Variants in GOLM2 observed in about 807,000 individuals in gnomAD.
The protein encoded by GOLM2 is golgi membrane protein 2.
GOLM2 carries 26 observed loss-of-function variants against 55.9 expected under a neutral mutation model. That is an observed-to-expected ratio of 0.47 (90% confidence interval 0.34 to 0.65). GOLM2 has a LOEUF of 0.65. Among genes scored for constraint, GOLM2 ranks in the 30% least tolerant of loss-of-function variants. The probability of loss-of-function intolerance (pLI) is 0.01; values close to 1 mark genes in which losing one functional copy is unlikely to be tolerated. For synonymous variants in GOLM2, 165 were observed against 194.6 expected, an observed-to-expected ratio of 0.85 and a Z score of 1.27; for missense variants, 486 against 531.8, an observed-to-expected ratio of 0.91 and a Z score of 0.85.
intron 1 of GOLM2, among the ~76,000 whole-genome samples, chr15:44,294,812 T>A (rs1000435788): frequency 6.6e-6 from 1 of 151,530 alleles, no homozygotes. Flanking sequence ...GGAGTATCGT[T>A]TGAACTGGGA....
At chr15:44,328,091 C>T (rs2078996962) in intron 2 of GOLM2, among the ~76,000 whole-genome samples, 1 of 152,178 alleles carries the variant, frequency 6.6e-6, no homozygotes, top group African/African-American at 2.4e-5. Flanking sequence ...ATTGTCTCCA[C>T]AGCTTAGCAT....
intron 6 of GOLM2, among the ~76,000 whole-genome samples, chr15:44,377,622 C>A (rs1158421792): frequency 1.3e-5 from 2 of 152,096 alleles, no homozygotes; most frequent in Admixed American, 1.3e-4. Flanking sequence ...GACTCACATG[C>A]CTCGGTCTTT....
intron 1 of GOLM2, among the ~76,000 whole-genome samples, chr15:44,296,846 C>T (rs2078759786): frequency 6.6e-6 from 1 of 152,200 alleles, no homozygotes; most frequent in Non-Finnish European, 1.5e-5. Flanking sequence ...CTCCCTAGAG[C>T]TTGCCTGTTC....
intron 1 of GOLM2, among the ~76,000 whole-genome samples, chr15:44,295,682 C>T (rs954028389): frequency 3.3e-5 from 5 of 152,158 alleles, no homozygotes; most frequent in African/African-American, 7.2e-5. Context: ...CAGATGGCAA[C>T]CTTCTTGCTG....
chr15:44,395,798 C>G (rs553879978), intron 8 of GOLM2, among the ~76,000 whole-genome samples: 46 of 152,038 alleles, frequency 3.0e-4, no homozygotes, highest in African/African-American at 1.0e-3. Context: ...TGAGATCACG[C>G]TACTGCACTC....
intron 1 of GOLM2, among the ~76,000 whole-genome samples, chr15:44,304,697 C>G (rs1268175587): frequency 6.6e-6 from 1 of 152,058 alleles, no homozygotes; most frequent in African/African-American, 2.4e-5. Flanking sequence ...GGGCCACAGG[C>G]CTGAGCCATC....
chr15:44,402,662 C>T (rs1436308174), intron 8 of GOLM2: 3 of 397,452 alleles, frequency 7.5e-6, no homozygotes, highest in Non-Finnish European at 1.4e-5. Flanking sequence ...GTGGCAAGCA[C>T]TAAAATTAAC....
intron 6 of GOLM2, among the ~76,000 whole-genome samples, chr15:44,370,248 T>G (rs2079321170): frequency 6.6e-6 from 1 of 152,214 alleles, no homozygotes; most frequent in African/African-American, 2.4e-5. Context: ...TCCAGTGAAG[T>G]TGACACTCAA....
intron 6 of GOLM2, among the ~76,000 whole-genome samples, chr15:44,372,234 T>C (rs2079333135): frequency 6.6e-6 from 1 of 152,234 alleles, no homozygotes; most frequent in Admixed American, 6.5e-5. Flanking sequence ...CCATGTTCAG[T>C]ACGTCTGTGG....
At chr15:44,308,915 A>G (rs2141118034) in intron 1 of GOLM2, among the ~76,000 whole-genome samples, 1 of 152,354 alleles carries the variant, frequency 6.6e-6, no homozygotes, top group South Asian at 2.1e-4. Flanking sequence ...TCCAAAATAT[A>G]TAAGGAACTT....
chr15:44,314,169 G>A (rs574516767), intron 1 of GOLM2, among the ~76,000 whole-genome samples: 82 of 151,710 alleles, frequency 5.4e-4, no homozygotes, highest in South Asian at 1.5e-3. Flanking sequence ...CCCAGGAGGC[G>A]GAGCTTGCAG....
intron 6 of GOLM2, among the ~76,000 whole-genome samples, chr15:44,352,941 A>G (rs1367988795): frequency 6.6e-6 from 1 of 151,938 alleles, no homozygotes; most frequent in Non-Finnish European, 1.5e-5. Context: ...AAAAGTGAAG[A>G]GGCAACCCAC....
chr15:44,297,958 C>T (rs1483974182), intron 1 of GOLM2, among the ~76,000 whole-genome samples: 1 of 150,312 alleles, frequency 6.7e-6, no homozygotes, highest in East Asian at 1.9e-4. Context: ...ACCTCCGCCT[C>T]CCGGGTTTAA....
intron 6 of GOLM2, chr15:44,354,583 A>G (rs560029407): frequency 1.3e-5 from 2 of 152,246 alleles, no homozygotes; most frequent in African/African-American, 4.8e-5. Flanking sequence ...GTGGAATTAA[A>G]CTGAAAATCA....
chr15:44,387,099 C>T (rs2079451104), intron 8 of GOLM2, among the ~76,000 whole-genome samples: 1 of 150,800 alleles, frequency 6.6e-6, no homozygotes. Context: ...CACTTGAGCC[C>T]AGGAGGCAGA....
chr15:44,316,139 G>A (rs1595622128), intron 1 of GOLM2, among the ~76,000 whole-genome samples: 3 of 152,166 alleles, frequency 2.0e-5, no homozygotes, highest in South Asian at 4.1e-4. Context: ...TTCTAGTCAT[G>A]TAATAGTAAG....
chr15:44,315,819 AG>A (rs2078905676), intron 1 of GOLM2, among the ~76,000 whole-genome samples: 1 of 152,248 alleles, frequency 6.6e-6, no homozygotes, highest in Non-Finnish European at 1.5e-5. Flanking sequence ...GATAAGGTAA[AG>A]CCTAAAGGCA....
chr15:44,328,625 G>A, intron 2 of GOLM2, 60 bp from the exon 3 acceptor site: 1 of 1,103,334 alleles, frequency 9.1e-7, no homozygotes, highest in African/African-American at 1.6e-5. Context: ...CATAGCTTCT[G>A]AATAGGAAGC....
At chr15:44,395,641 AC>A (rs1217665356) in intron 8 of GOLM2, among the ~76,000 whole-genome samples, 2 of 151,852 alleles carry the variant, frequency 1.3e-5, no homozygotes, top group Non-Finnish European at 2.9e-5. Flanking sequence ...AAAGATCAAG[AC>A]CATCCTGGCC....
Sources: gnomAD v4.1 joint callset for allele counts (sites outside exome capture counted in the v4.1 genomes callset) on GRCh38, gnomAD v4.1.1 for gene constraint, MANE v1.5 for transcripts, NCBI Gene and HGNC (gene_info 2026-07-23, HGNC 2026-07-21) for gene names.